EPM2A: variants seen among roughly 807,000 people sequenced by gnomAD.
EPM2A encodes EPM2A glucan phosphatase, laforin, also known as laforin.
A neutral mutation model predicts 26.5 loss-of-function variants in EPM2A; 21 were observed. The observed-to-expected ratio is 0.79, with a 90% CI of 0.56 to 1.14. EPM2A has a LOEUF of 1.14. Among genes scored for constraint, EPM2A ranks in the 50% most tolerant of loss-of-function variants. The pLI, the probability that EPM2A is intolerant of heterozygous loss-of-function variation, is 0.00. For missense variants in EPM2A, 458 were observed against 440.8 expected (o/e 1.04, Z -0.35); for synonymous variants, 217 against 177.6 (o/e 1.22, Z -1.76).
intron 1 of EPM2A, among the ~76,000 whole-genome samples, chr6:145,707,622 T>C (rs1782296113): frequency 6.6e-6 from 1 of 152,188 alleles, no homozygotes. Flanking sequence ...CATGTTCTCT[T>C]GTCTGCTGTC....
intron 2 of EPM2A, among the ~76,000 whole-genome samples, chr6:145,526,948 G>T (rs554684449): frequency 2.0e-5 from 3 of 151,738 alleles, no homozygotes; most frequent in Non-Finnish European, 4.4e-5. Context: ...TCTTAATACT[G>T]CTTTTGCTGC....
intron 4 of EPM2A, among the ~76,000 whole-genome samples, chr6:145,457,019 ATTTGATTGT>A (rs1368560569): frequency 4.6e-5 from 7 of 152,210 alleles, no homozygotes; most frequent in African/African-American, 1.7e-4. Flanking sequence ...AAATGCTCAT[ATTTGATTGT>A]TTATTATGTG....
At chr6:145,670,625 T>A (rs1197043124) in intron 2 of EPM2A, among the ~76,000 whole-genome samples, 1 of 152,162 alleles carries the variant, frequency 6.6e-6, no homozygotes, top group Admixed American at 6.6e-5. Flanking sequence ...GGGACTATGC[T>A]TGCACTAGGC....
At chr6:145,416,856 C>A (rs1193063934) in intron 4 of EPM2A, among the ~76,000 whole-genome samples, 1 of 151,798 alleles carries the variant, frequency 6.6e-6, no homozygotes, top group Admixed American at 6.6e-5. Context: ...GAAATGTACA[C>A]TGATTTCTTA....
chr6:145,458,168 G>A (rs1303822489), intron 4 of EPM2A, among the ~76,000 whole-genome samples: 1 of 152,174 alleles, frequency 6.6e-6, no homozygotes, highest in Non-Finnish European at 1.5e-5. Context: ...ATGTCCCTGT[G>A]TTCGTCTATC....
intron 1 of EPM2A, chr6:145,734,870 T>G: frequency 5.9e-6 from 1 of 168,350 alleles, no homozygotes; most frequent in Non-Finnish European, 1.3e-5. Flanking sequence ...CACTGGCCCG[T>G]GACGCAGGCG....
intron 2 of EPM2A, among the ~76,000 whole-genome samples, chr6:145,678,800 T>C (rs1341919305): frequency 6.6e-6 from 1 of 152,178 alleles, no homozygotes; most frequent in East Asian, 1.9e-4. Context: ...ACACTGTTGG[T>C]GGGAGTGTAC....
At chr6:145,506,976 TG>T (rs1779985078) in intron 2 of EPM2A, among the ~76,000 whole-genome samples, 1 of 152,226 alleles carries the variant, frequency 6.6e-6, no homozygotes, top group East Asian at 1.9e-4. Context: ...AACAGGTGCC[TG>T]GTATATGAAA....
chr6:145,672,547 A>T lies in EPM2A; in HGVS notation c.476+13575T>A, dbSNP rs77955292. 7.7e-3 allele frequency among the ~76,000 whole-genome samples: 1,169 copies of T among 152,338 alleles called. 19 individuals carry two copies. Among genetic ancestry groups the T allele is most frequent in the African/African-American group, 0.027 (1,109 of 41,580 alleles). ...GATACGAGAAAAAGAAATAAGAACT[A>T]GTTGAAAGCCTGTTTAAGAAGCAGC... On this transcript the variant is annotated intron_variant, in intron 2 of 3. Transcript: ENST00000367519.
intron 2 of EPM2A, among the ~76,000 whole-genome samples, chr6:145,674,407 G>A (rs925041126): frequency 6.6e-6 from 1 of 152,148 alleles, no homozygotes; most frequent in African/African-American, 2.4e-5. Context: ...TTCCTTGGGG[G>A]CAATGGAACA....
intron 4 of EPM2A, among the ~76,000 whole-genome samples, chr6:145,455,698 C>T (rs1779255089): frequency 3.3e-5 from 5 of 152,184 alleles, no homozygotes; most frequent in Admixed American, 3.3e-4. Flanking sequence ...CTTTATTTTA[C>T]AGTACTTGTT....
chr6:145,396,279 G>T (rs910015025), intron 4 of EPM2A, among the ~76,000 whole-genome samples: 1 of 151,940 alleles, frequency 6.6e-6, no homozygotes, highest in Non-Finnish European at 1.5e-5. Context: ...CCTTCTTCCC[G>T]GGCTCCTTCC....
intron 4 of EPM2A, chr6:145,490,731 G>C: frequency 1.8e-6 from 1 of 563,506 alleles, no homozygotes; most frequent in Admixed American, 2.1e-5. Flanking sequence ...TCTCACAATG[G>C]AACAAGTCCT....
intron 4 of EPM2A, among the ~76,000 whole-genome samples, chr6:145,415,888 C>A (rs2114678969): frequency 6.6e-6 from 1 of 152,254 alleles, no homozygotes; most frequent in Admixed American, 6.5e-5. Context: ...CTTCTCTGAC[C>A]CCAATTGCAA....
chr6:145,561,047 A>G (rs1327823299), intron 2 of EPM2A, among the ~76,000 whole-genome samples: 1 of 152,052 alleles, frequency 6.6e-6, no homozygotes. Flanking sequence ...TATAGTACAT[A>G]TACTGTAGTA....
chr6:145,584,263 T>A (rs1781156409), intron 2 of EPM2A, among the ~76,000 whole-genome samples: 2 of 152,058 alleles, frequency 1.3e-5, no homozygotes, highest in Admixed American at 1.3e-4. Flanking sequence ...GATGGTTAGG[T>A]GTGGTCTGCC....
At chr6:145,523,081 A>G (rs1019337957) in intron 2 of EPM2A, among the ~76,000 whole-genome samples, 3 of 152,120 alleles carry the variant, frequency 2.0e-5, no homozygotes, top group African/African-American at 7.2e-5. Flanking sequence ...CATACTGTAA[A>G]TTTTACTTTG....
chr6:145,435,734 C>A (rs1275920958), intron 4 of EPM2A, among the ~76,000 whole-genome samples: 1 of 151,914 alleles, frequency 6.6e-6, no homozygotes, highest in Non-Finnish European at 1.5e-5. Context: ...ATGTGAATCA[C>A]ACAATTTTTT....
intron 3 of EPM2A, among the ~76,000 whole-genome samples, chr6:145,632,952 C>A (rs1261724512): frequency 2.6e-5 from 4 of 152,172 alleles, no homozygotes; most frequent in Non-Finnish European, 5.9e-5. Flanking sequence ...AGCTCAAATG[C>A]CACTGCACTG....
Sources: gnomAD v4.1 joint callset for allele counts (sites outside exome capture counted in the v4.1 genomes callset) on GRCh38, gnomAD v4.1.1 for gene constraint, MANE v1.5 for transcripts, NCBI Gene and HGNC (gene_info 2026-07-23, HGNC 2026-07-21) for gene names.